The following WNK1 variants were observed in gnomAD, a reference collection of about 807,000 sequenced individuals.
The protein encoded by WNK1 is WNK lysine deficient protein kinase 1, also known as serine/threonine-protein kinase WNK1.
A neutral mutation model predicts 222.8 loss-of-function variants in WNK1; 38 were observed. The observed-to-expected ratio is 0.17, with a 90% CI of 0.13 to 0.22. The LOEUF (loss-of-function observed/expected upper bound fraction) is 0.22, where lower values mean the gene tolerates loss of function less well. WNK1 is among the 10% of genes least tolerant of loss of function. WNK1 has a pLI of 1.00. For missense variants in WNK1, 2,348 were observed against 2,918.4 expected, an observed-to-expected ratio of 0.80 and a Z score of 4.50; for synonymous variants, 1,090 against 1,092.9, an observed-to-expected ratio of 1.00 and a Z score of 0.05.
At chr12:899,040 C>T (rs891043638) in intron 25 of WNK1, among the ~76,000 whole-genome samples, 1 of 152,080 alleles carries the variant, frequency 6.6e-6, no homozygotes, top group South Asian at 2.1e-4. Flanking sequence ...GTGCCCGGCC[C>T]TGGACTATAT....
chr12:840,598 G>A (rs1042422322), intron 4 of WNK1, among the ~76,000 whole-genome samples: 1 of 152,028 alleles, frequency 6.6e-6, no homozygotes. Context: ...CACTATAATG[G>A]CAGAGTTGAA....
chr12:884,277 A>C lies in WNK1; in HGVS notation c.3844+34A>C, dbSNP rs1380420368. 1 of 1,613,450 alleles carries C rather than the reference A, an allele frequency of 6.2e-7. No homozygotes were observed. Among genetic ancestry groups the C allele is most frequent in the African/African-American group, 1.3e-5 (1 of 74,900 alleles). On this transcript the variant is annotated intron_variant, in intron 18 of 27. Coordinates refer to ENST00000315939, the MANE Select transcript of WNK1 (RefSeq NM_018979.4). This position sits in a 1 kb window ranked among gnomAD's most constrained non-coding sequence, Gnocchi z 5.6. ...TTGATTCTGCCACATTGTTATGTAA[A>C]TTCTACAGTGCCTCTGCTATGTTGA...
chr12:896,010 G>A, intron 23 of WNK1, 61 bp from the exon 24 acceptor site: 3 of 1,603,564 alleles, frequency 1.9e-6, no homozygotes, highest in Non-Finnish European at 2.6e-6. Flanking sequence ...TTTTTAAATT[G>A]TCTGTGATAG....
Position 908,718 on chromosome 12 carries a change from T to C in WNK1, c.7075T>C (p.Leu2359=). 2.5e-6 allele frequency: 4 copies of C among 1,614,162 alleles called. No individual in the cohort carries two copies. The highest frequency in any genetic ancestry group is 1.3e-5 in the African/African-American group (1 of 75,020). ...GQFQPVGTAS[L]QNFNISNLQK... ...GTTCCAACCTGTGGGAACTGCCTCC[T>C]TGCAGAATTTCAACATCAGCAATTT... is the stretch of plus-strand genomic sequence containing the variant. Residue 2359 remains leucine (L), a synonymous_variant, in exon 28 of 28, where the codon TTG becomes CTG. Transcript: ENST00000315939.
intron 1 of WNK1, among the ~76,000 whole-genome samples, chr12:765,237 T>C (rs1055574361): frequency 2.0e-5 from 3 of 147,986 alleles, no homozygotes; most frequent in Non-Finnish European, 4.5e-5. Context: ...GGCTACGATA[T>C]TGGATTGCAC....
rs568906690 is a variant in WNK1 at position 792,339 on chromosome 12, G to A, written c.760-21303G>A. ...TTTTTTTTTTTTTTTTTGAGGCGGA[G>A]TCTCACTGTGTCACCCAGGCTGGAG... On this transcript the variant is annotated intron_variant, in intron 1 of 27. Coordinates refer to ENST00000315939, the MANE Select transcript of WNK1 (RefSeq NM_018979.4). Among the ~76,000 whole-genome samples the A allele has an allele frequency of 2.4e-3, 300 of 126,140 alleles. 3 individuals are homozygous for A. Among genetic ancestry groups the A allele is most frequent in the Admixed American group, 0.01 (104 of 10,288 alleles). The allele number at this position is 126,140 out of a possible 152,430, so 82.8% of individuals were successfully genotyped here. A position where few individuals can be genotyped will look rare whatever the true frequency, so the allele number is the denominator to read the frequency against.
At chr12:771,895 C>T (rs1005120017) in intron 1 of WNK1, among the ~76,000 whole-genome samples, 1 of 152,160 alleles carries the variant, frequency 6.6e-6, no homozygotes, top group Admixed American at 6.5e-5. Context: ...AGCAATCCTC[C>T]TGTTTCAGCC....
chr12:833,869 G>A (rs1948990342), intron 4 of WNK1, among the ~76,000 whole-genome samples: 1 of 152,104 alleles, frequency 6.6e-6, no homozygotes, highest in East Asian at 1.9e-4. Context: ...CCCATGCCCA[G>A]AGCTTGATAC....
intron 4 of WNK1, among the ~76,000 whole-genome samples, chr12:844,162 T>G (rs1949843386): frequency 6.6e-6 from 1 of 152,012 alleles, no homozygotes; most frequent in African/African-American, 2.4e-5. Flanking sequence ...GACGGGGTCT[T>G]GCTCTGTCGC....
rs956254032 is a variant in WNK1, at chr12:762,965, C to T, written c.759+8641C>T. On this transcript the variant is annotated intron_variant, in intron 1 of 27. Transcript: ENST00000315939. ...TTCTCCATGTTGGTCAGGCTGGTCT[C>T]CAACTCCCGACCTCAGGCGATCCGC... Among the ~76,000 whole-genome samples, 4 of 146,388 alleles carry T rather than the reference C, an allele frequency of 2.7e-5. 1 individual carries two copies. In the South Asian group the frequency reaches 9.1e-4, roughly 33 times the overall value.
intron 1 of WNK1, among the ~76,000 whole-genome samples, chr12:763,924 GAT>G (rs1941358757): frequency 6.8e-6 from 1 of 147,436 alleles, no homozygotes; most frequent in Non-Finnish European, 1.5e-5. Context: ...TTGTTTTTTA[GAT>G]GGGAGGAGGT....
At chr12:834,863 G>C (rs1309890051) in intron 4 of WNK1, among the ~76,000 whole-genome samples, 1 of 152,042 alleles carries the variant, frequency 6.6e-6, no homozygotes, top group Non-Finnish European at 1.5e-5. Flanking sequence ...AACTGATTAG[G>C]AAATAATAAT....
In WNK1 at chr12:878,273, C is replaced by T; in HGVS notation, c.2285C>T (p.Thr762Ile). The T allele has an allele frequency of 6.2e-7, 1 of 1,614,138 alleles. No homozygotes were observed. Among genetic ancestry groups the T allele is most frequent in the Non-Finnish European group, 8.5e-7 (1 of 1,180,012 alleles). Residue 762 changes from threonine (T) to isoleucine (I), a missense_variant, in exon 10 of 28, where the codon ACA becomes ATA. This residue lies in a region of WNK1 where 547 missense variants were observed against 558.3 expected (regional missense o/e 0.98). Transcript: ENST00000315939. ...QQTVQYSLSQ[T>I]STSSEATTAQ... ...ACAGTGCAGTATTCACTTTCACAGACATCAACCTCCAGTGAGGCCACTACT... is the reference window on the plus strand; with the variant it reads ...ACAGTGCAGTATTCACTTTCACAGATATCAACCTCCAGTGAGGCCACTACT...
At chr12:838,062 G>A (rs1949333915) in intron 4 of WNK1, among the ~76,000 whole-genome samples, 1 of 67,064 alleles carries the variant, frequency 1.5e-5, no homozygotes, top group South Asian at 6.8e-4. Context: ...TCCTCTTTAA[G>A]TCTGAGTAAT....
At chr12:857,607 T>C (rs185069683) in intron 5 of WNK1, among the ~76,000 whole-genome samples, 8 of 152,318 alleles carry the variant, frequency 5.3e-5, no homozygotes, top group East Asian at 1.9e-4. Context: ...TTCTAAGTGG[T>C]GAAATAAAAC....
intron 7 of WNK1, 33 bp downstream of exon 7, chr12:861,376 A>G (rs766947511): frequency 6.2e-7 from 1 of 1,606,606 alleles, no homozygotes; most frequent in South Asian, 1.1e-5. Context: ...AGATAGGCTA[A>G]TGATTCTCCT....
intron 2 of WNK1, among the ~76,000 whole-genome samples, chr12:814,527 C>G (rs963455854): frequency 6.6e-6 from 1 of 152,084 alleles, no homozygotes; most frequent in Non-Finnish European, 1.5e-5. Context: ...TTCCATTTCC[C>G]ATAACATCAG....
At chr12:823,791 T>C (rs1948106107) in intron 2 of WNK1, among the ~76,000 whole-genome samples, 2 of 152,150 alleles carry the variant, frequency 1.3e-5, no homozygotes, top group Non-Finnish European at 2.9e-5. Context: ...GATTAAGAGC[T>C]CTGCTTATGA....
At chr12:890,766 T>G (rs1006208033) in intron 22 of WNK1, among the ~76,000 whole-genome samples, 6 of 152,174 alleles carry the variant, frequency 3.9e-5, no homozygotes, top group African/African-American at 1.4e-4. Flanking sequence ...TATTAGAGAT[T>G]AGGAAATTAA....
Sources: allele counts gnomAD v4.1 joint callset (sites outside exome capture counted in the v4.1 genomes callset), GRCh38; gene constraint gnomAD v4.1.1; regional missense constraint gnomAD v4.1.1; non-coding constraint Gnocchi (gnomAD v3.1); transcripts MANE v1.5; gene names NCBI Gene and HGNC (gene_info 2026-07-23, HGNC 2026-07-21).